Variants in CDKAL1 observed in about 807,000 individuals in gnomAD.
CDKAL1 encodes threonylcarbamoyladenosine tRNA methylthiotransferase.
Under a neutral mutation model 68.2 loss-of-function variants are expected in CDKAL1, and 32 were observed. The observed-to-expected ratio is 0.47, with a 90% CI of 0.35 to 0.63. The LOEUF is 0.63. Ranked by LOEUF, CDKAL1 falls within the 30% of genes least tolerant of loss-of-function variation. The probability of loss-of-function intolerance (pLI) is 0.00; values close to 1 mark genes in which losing one functional copy is unlikely to be tolerated. For missense variants in CDKAL1, 606 were observed against 696.7 expected (o/e 0.87, Z 1.47); for synonymous variants, 234 against 244.3 (o/e 0.96, Z 0.39).
At chr6:20,662,980 G>T (rs1363863980) in intron 5 of CDKAL1, among the ~76,000 whole-genome samples, 1 of 152,130 alleles carries the variant, frequency 6.6e-6, no homozygotes, top group Non-Finnish European at 1.5e-5. Flanking sequence ...CAGTTTAAGG[G>T]TGTGAGGATT....
intron 13 of CDKAL1, among the ~76,000 whole-genome samples, chr6:21,152,525 G>A (rs1318417293): frequency 1.3e-5 from 2 of 152,200 alleles, no homozygotes; most frequent in East Asian, 1.9e-4. Context: ...TTCACTCAGC[G>A]AACATTCGTC....
intron 5 of CDKAL1, among the ~76,000 whole-genome samples, chr6:20,672,710 ATTAACT>A (rs1769905317): frequency 6.6e-6 from 1 of 151,996 alleles, no homozygotes; most frequent in Non-Finnish European, 1.5e-5. Flanking sequence ...ATTTTTTCAA[ATTAACT>A]TTAGTATCAT....
At chr6:20,681,332 G>A (rs1770365924) in intron 5 of CDKAL1, among the ~76,000 whole-genome samples, 1 of 152,198 alleles carries the variant, frequency 6.6e-6, no homozygotes, top group South Asian at 2.1e-4. Flanking sequence ...CCTGTTGCTT[G>A]TTTTTACCCT....
intron 13 of CDKAL1, among the ~76,000 whole-genome samples, chr6:21,147,373 C>A (rs958832190): frequency 2.0e-5 from 3 of 152,146 alleles, no homozygotes; most frequent in African/African-American, 7.2e-5. Flanking sequence ...TAACTAACTT[C>A]CTTATGAGAT....
intron 8 of CDKAL1, among the ~76,000 whole-genome samples, chr6:20,801,984 T>G (rs1330735004): frequency 6.6e-6 from 1 of 152,116 alleles, no homozygotes; most frequent in Non-Finnish European, 1.5e-5. Context: ...CATGCAATAT[T>G]TGCTGTTAAC....
chr6:20,744,503 G>A (rs1458812592), intron 6 of CDKAL1, among the ~76,000 whole-genome samples: 3 of 152,080 alleles, frequency 2.0e-5, no homozygotes, highest in East Asian at 1.9e-4. Flanking sequence ...TTACGTTCTG[G>A]TTCTTAGGGA....
chr6:20,911,830 G>T (rs975178549), intron 9 of CDKAL1, among the ~76,000 whole-genome samples: 1 of 152,182 alleles, frequency 6.6e-6, no homozygotes, highest in Non-Finnish European at 1.5e-5. Flanking sequence ...TTCTATTCCA[G>T]CATTTTAACA....
intron 12 of CDKAL1, among the ~76,000 whole-genome samples, chr6:21,074,236 T>A (rs1234102364): frequency 6.6e-6 from 1 of 152,142 alleles, no homozygotes; most frequent in Non-Finnish European, 1.5e-5. Flanking sequence ...TTCCTGATGG[T>A]CTTTGGTGTT....
chr6:21,058,999 C>G (rs62404460), intron 11 of CDKAL1, among the ~76,000 whole-genome samples: 27,394 of 152,170 alleles, frequency 0.18, 2,567 homozygotes, highest in Middle Eastern at 0.24. Context: ...CTCTAAATAG[C>G]CAGCAGGCAG....
At chr6:20,580,571 A>T (rs776756295) in intron 4 of CDKAL1, among the ~76,000 whole-genome samples, 1 of 152,092 alleles carries the variant, frequency 6.6e-6, no homozygotes, top group Non-Finnish European at 1.5e-5. Context: ...TCCTTCATGG[A>T]ACACTTACTT....
chr6:20,904,786 T>C (rs1762159604), intron 9 of CDKAL1, among the ~76,000 whole-genome samples: 1 of 110,878 alleles, frequency 9.0e-6, no homozygotes, highest in South Asian at 3.0e-4. Flanking sequence ...CAAAACTCCA[T>C]CTCAAGAAAA....
intron 15 of CDKAL1, among the ~76,000 whole-genome samples, chr6:21,211,687 T>A (rs537253912): frequency 6.6e-6 from 1 of 152,322 alleles, no homozygotes; most frequent in East Asian, 1.9e-4. Flanking sequence ...AATACCTACT[T>A]TTGTTTTAAT....
At chr6:20,605,693 C>T (rs1186977342) in intron 4 of CDKAL1, among the ~76,000 whole-genome samples, 1 of 152,084 alleles carries the variant, frequency 6.6e-6, no homozygotes, top group East Asian at 1.9e-4. Context: ...CTAATTATTC[C>T]CTGCTACTGA....
chr6:21,172,326 C>T (rs1036899402), intron 13 of CDKAL1, among the ~76,000 whole-genome samples: 4 of 152,170 alleles, frequency 2.6e-5, no homozygotes, highest in Non-Finnish European at 5.9e-5. Flanking sequence ...TCCTCTTCCA[C>T]GCCCCGTGGT....
chr6:21,226,662 T>C (rs1333127277), intron 15 of CDKAL1, among the ~76,000 whole-genome samples: 2 of 152,226 alleles, frequency 1.3e-5, no homozygotes, highest in Non-Finnish European at 1.5e-5. Flanking sequence ...TTCTTAAAAA[T>C]TGTCTGAGTT....
At chr6:20,627,792 T>A (rs1767497889) in intron 4 of CDKAL1, among the ~76,000 whole-genome samples, 1 of 152,212 alleles carries the variant, frequency 6.6e-6, no homozygotes, top group Non-Finnish European at 1.5e-5. Flanking sequence ...AGCATGTAGA[T>A]CCTGTGTATG....
At chr6:20,945,810 T>C (rs981738210) in intron 9 of CDKAL1, among the ~76,000 whole-genome samples, 1 of 152,248 alleles carries the variant, frequency 6.6e-6, no homozygotes, top group African/African-American at 2.4e-5. Flanking sequence ...GTTCCTTTTA[T>C]TTATTTCTAT....
At chr6:20,570,143 C>T (rs182995170) in intron 4 of CDKAL1, among the ~76,000 whole-genome samples, 4 of 152,174 alleles carry the variant, frequency 2.6e-5, no homozygotes, top group African/African-American at 4.8e-5. Context: ...GAGTCTCTGT[C>T]GCCAGGGTGG....
At chr6:20,938,049 T>A (rs1291661077) in intron 9 of CDKAL1, among the ~76,000 whole-genome samples, 1 of 152,204 alleles carries the variant, frequency 6.6e-6, no homozygotes, top group Non-Finnish European at 1.5e-5. Context: ...ATTAAAATTA[T>A]ATTATATGGA....
Sources: gnomAD v4.1 joint callset for allele counts (sites outside exome capture counted in the v4.1 genomes callset) on GRCh38, gnomAD v4.1.1 for gene constraint, MANE v1.5 for transcripts, NCBI Gene and HGNC (gene_info 2026-07-23, HGNC 2026-07-21) for gene names.